The following ZBTB20 variants were observed in gnomAD, a reference collection of about 807,000 sequenced individuals.
The protein encoded by ZBTB20 is zinc finger and BTB domain containing 20.
A neutral mutation model predicts 56.9 loss-of-function variants in ZBTB20; 9 were observed. The observed-to-expected ratio is 0.16, with a 90% CI of 0.10 to 0.28. The LOEUF is 0.28. ZBTB20 is among the 10% of genes least tolerant of loss of function. The pLI is 1.00. For synonymous variants in ZBTB20, 417 were observed against 420.7 expected (o/e 0.99, Z 0.11); for missense variants, 655 against 1,003.0 (o/e 0.65, Z 4.69).
intron 6 of ZBTB20, among the ~76,000 whole-genome samples, chr3:114,614,277 T>C (rs1170581468): frequency 6.6e-6 from 1 of 152,218 alleles, no homozygotes; most frequent in East Asian, 1.9e-4. Flanking sequence ...TGTTTAGACA[T>C]AAAATGAGAG....
chr3:114,887,880 G>A (rs1023657052), intron 4 of ZBTB20, among the ~76,000 whole-genome samples: 2 of 152,042 alleles, frequency 1.3e-5, no homozygotes, highest in Non-Finnish European at 2.9e-5. Context: ...CAATTGATAG[G>A]AGCACATAAG....
At chr3:114,937,796 GT>G (rs764725916) in intron 3 of ZBTB20, among the ~76,000 whole-genome samples, 19 of 151,854 alleles carry the variant, frequency 1.3e-4, no homozygotes, top group Middle Eastern at 3.4e-3. Context: ...TTTTCTTCTT[GT>G]AAATTTGTTT....
chr3:114,315,726 G>GT lies in ZBTB20; in HGVS notation c.*23278_*23279insA. ...CGAATCTTATCACAACACTGCGGCG[G>GT]GAAAATCAGGAAATGGGTTCACCTT... On this transcript the variant is annotated 3_prime_UTR_variant, in exon 12 of 12. Coordinates refer to ENST00000675478, the MANE Select transcript of ZBTB20 (RefSeq NM_001348800.3). The GT allele has an allele frequency of 9.8e-6, 1 of 101,826 alleles. No individual in the cohort carries two copies. The highest frequency in any genetic ancestry group is 2.1e-5 in the Non-Finnish European group (1 of 48,470). 6.3% of individuals were successfully genotyped at this position (101,826 alleles called of 1,614,324 possible). A position where few individuals can be genotyped will look rare whatever the true frequency, so the allele number is the denominator to read the frequency against.
intron 6 of ZBTB20, chr3:114,527,308 C>T (rs1402034298): frequency 1.3e-5 from 2 of 152,164 alleles, no homozygotes; most frequent in Admixed American, 1.3e-4. Context: ...GGCACTCAAT[C>T]CAGTGTTGGT....
At chr3:115,087,084 T>C (rs956833522) in intron 1 of ZBTB20, among the ~76,000 whole-genome samples, 1 of 151,816 alleles carries the variant, frequency 6.6e-6, no homozygotes, top group African/African-American at 2.4e-5. Flanking sequence ...AGTTATAAAC[T>C]TTATGGAAGT....
chr3:114,527,014 A>G (rs2047300483), intron 6 of ZBTB20, among the ~76,000 whole-genome samples: 1 of 152,086 alleles, frequency 6.6e-6, no homozygotes, highest in Non-Finnish European at 1.5e-5. Flanking sequence ...TGCGTGAAAA[A>G]TCTGTTTTTC....
intron 3 of ZBTB20, among the ~76,000 whole-genome samples, chr3:114,957,697 T>C (rs2077296309): frequency 6.6e-6 from 1 of 152,212 alleles, no homozygotes; most frequent in African/African-American, 2.4e-5. Context: ...CAACCACACA[T>C]TTTAAATGCT....
intron 2 of ZBTB20, among the ~76,000 whole-genome samples, chr3:115,008,266 T>C (rs2079557214): frequency 6.6e-6 from 1 of 151,882 alleles, no homozygotes. Flanking sequence ...TTTCTGTTAT[T>C]CCCGTCTCTT....
intron 4 of ZBTB20, among the ~76,000 whole-genome samples, chr3:114,893,429 T>C (rs753409046): frequency 1.3e-5 from 2 of 152,162 alleles, no homozygotes; most frequent in African/African-American, 4.8e-5. Context: ...ATTAGTGAAA[T>C]TGGGTCATGA....
At chr3:114,690,650 T>A (rs887311214) in intron 6 of ZBTB20, among the ~76,000 whole-genome samples, 1 of 152,184 alleles carries the variant, frequency 6.6e-6, no homozygotes, top group African/African-American at 2.4e-5. Context: ...ATACAATGCA[T>A]AATTTCTTTC....
At chr3:114,484,386 A>G (rs904547606) in intron 7 of ZBTB20, among the ~76,000 whole-genome samples, 11 of 152,114 alleles carry the variant, frequency 7.2e-5, no homozygotes, top group Admixed American at 6.5e-4. Context: ...ACAAAAGGAG[A>G]GCGAGACTTT....
chr3:115,115,520 T>C (rs1469348876), intron 1 of ZBTB20, among the ~76,000 whole-genome samples: 3 of 152,082 alleles, frequency 2.0e-5, no homozygotes, highest in African/African-American at 4.8e-5. Flanking sequence ...ATAGTAAACA[T>C]TCCACACTGC....
chr3:114,333,471 A>G lies in ZBTB20; in HGVS notation c.*5534T>C, dbSNP rs1276564115. On this transcript the variant is annotated 3_prime_UTR_variant, in exon 12 of 12. Coordinates refer to ENST00000675478, the MANE Select transcript of ZBTB20 (RefSeq NM_001348800.3). Reference sequence around the variant, plus strand: ...AGGGGAAAGAGGCTGCTGCTGTTCCAGTGGGAAGTTATGTCTAGCCCCAGA... The same window carrying G: ...AGGGGAAAGAGGCTGCTGCTGTTCCGGTGGGAAGTTATGTCTAGCCCCAGA... 1 of 152,116 alleles carries G rather than the reference A, an allele frequency of 6.6e-6. No individual in the cohort carries two copies. The highest frequency in any genetic ancestry group is 6.5e-5 in the Admixed American group (1 of 15,270). The allele number at this position is 152,116 out of a possible 1,614,324, so 9.4% of individuals were successfully genotyped here.
At chr3:114,930,857 GT>G in intron 3 of ZBTB20, 1 of 277,982 alleles carries the variant, frequency 3.6e-6, no homozygotes, top group Non-Finnish European at 7.3e-6. Flanking sequence ...GCAGAAAAGG[GT>G]GGGGAGGCAG....
chr3:114,583,602 T>C (rs2054876008), intron 6 of ZBTB20, among the ~76,000 whole-genome samples: 1 of 152,190 alleles, frequency 6.6e-6, no homozygotes. Context: ...AAACATGTTT[T>C]TAGGTAAATA....
chr3:114,752,250 G>A (rs989240751), intron 5 of ZBTB20, among the ~76,000 whole-genome samples: 4 of 151,714 alleles, frequency 2.6e-5, no homozygotes, highest in Non-Finnish European at 4.4e-5. Flanking sequence ...TCTGACTCTC[G>A]TATCTATCTA....
At chr3:115,114,056 T>A (rs2083954705) in intron 1 of ZBTB20, among the ~76,000 whole-genome samples, 1 of 152,212 alleles carries the variant, frequency 6.6e-6, no homozygotes, top group Non-Finnish European at 1.5e-5. Flanking sequence ...CAATAGATAT[T>A]TTAAAAGACT....
At chr3:114,481,420 G>A (rs145288321) in intron 7 of ZBTB20, among the ~76,000 whole-genome samples, 1 of 152,180 alleles carries the variant, frequency 6.6e-6, no homozygotes, top group Admixed American at 6.5e-5. Context: ...TACATAAGGA[G>A]TGTACAAGCT....
intron 7 of ZBTB20, among the ~76,000 whole-genome samples, chr3:114,455,147 G>C (rs1323349828): frequency 6.6e-6 from 1 of 151,746 alleles, no homozygotes; most frequent in Non-Finnish European, 1.5e-5. Flanking sequence ...GGGAGAGAGA[G>C]AGAAAAGGAG....
Sources: gnomAD v4.1 joint callset for allele counts (sites outside exome capture counted in the v4.1 genomes callset) on GRCh38, gnomAD v4.1.1 for gene constraint, MANE v1.5 for transcripts, NCBI Gene and HGNC (gene_info 2026-07-23, HGNC 2026-07-21) for gene names.